SMARCC1: variants seen among roughly 807,000 people sequenced by gnomAD.
SMARCC1 encodes SWI/SNF complex subunit SMARCC1.
In SMARCC1, 43 loss-of-function variants were observed where a neutral mutation model predicts 147.4. The observed-to-expected ratio is 0.29, with a 90% CI of 0.23 to 0.38. The LOEUF (loss-of-function observed/expected upper bound fraction) is 0.38, where lower values mean the gene tolerates loss of function less well. Among genes scored for constraint, SMARCC1 ranks in the 10% least tolerant of loss-of-function variants. The pLI is 1.00. For missense variants in SMARCC1, 1,119 were observed against 1,381.1 expected, an observed-to-expected ratio of 0.81 and a Z score of 3.01; for synonymous variants, 495 against 484.4, an observed-to-expected ratio of 1.02 and a Z score of -0.29.
At chr3:47,702,491 C>T (rs1178851122) in intron 10 of SMARCC1, among the ~76,000 whole-genome samples, 1 of 152,168 alleles carries the variant, frequency 6.6e-6, no homozygotes. Context: ...TGTGGTGGCT[C>T]ATGCCTGTAA....
At chr3:47,771,997 C>T (rs542096971) in intron 2 of SMARCC1, among the ~76,000 whole-genome samples, 48 of 150,850 alleles carry the variant, frequency 3.2e-4, no homozygotes, top group African/African-American at 1.2e-3. Flanking sequence ...GCACAAGAAT[C>T]GCTGCAGGTT....
Position 47,627,430 on chromosome 3 carries a change from G to T in SMARCC1, c.2647-5089C>A, listed in dbSNP as rs145445837. Among the ~76,000 whole-genome samples the T allele has an allele frequency of 1.8e-4, 27 of 152,184 alleles. No homozygotes were observed. The East Asian group carries it at 5.0e-3, about 28-fold the overall frequency. ...TATTGTGAGCAGCTAGAAGAGCATTGAAGTAAAGAAGCAACTATTAGGTTT... is the reference window on the plus strand; with the variant it reads ...TATTGTGAGCAGCTAGAAGAGCATTTAAGTAAAGAAGCAACTATTAGGTTT... On this transcript the variant is annotated intron_variant, in intron 24 of 27. Coordinates refer to ENST00000254480, the MANE Select transcript of SMARCC1 (RefSeq NM_003074.4).
At chr3:47,668,139 T>C (rs190282327) in intron 19 of SMARCC1, among the ~76,000 whole-genome samples, 1 of 152,318 alleles carries the variant, frequency 6.6e-6, no homozygotes, top group Admixed American at 6.5e-5. Context: ...TCTGGTGCCC[T>C]GATTATATCA....
chr3:47,633,159 T>G (rs2032915214), intron 24 of SMARCC1, among the ~76,000 whole-genome samples: 1 of 152,168 alleles, frequency 6.6e-6, no homozygotes, highest in African/African-American at 2.4e-5. Context: ...GGCTTCAGTA[T>G]GTCCATTTAT....
In SMARCC1 at chr3:47,678,272, A is replaced by G. The variant is rs774333559; in HGVS notation, c.1497T>C (p.Arg499=). 4 of 1,605,286 alleles carry G rather than the reference A, an allele frequency of 2.5e-6. No homozygotes were observed. The East Asian group carries it at 6.8e-5, about 27-fold the overall frequency. The change falls in exon 16 of 28, where the codon CGT becomes CGC. Residue 499 remains arginine, a synonymous_variant. Coordinates refer to ENST00000254480, the MANE Select transcript of SMARCC1 (RefSeq NM_003074.4). ...TAGTTAAATACTCTTGGGGGTTTAG[A>G]CGATACGTGTCAATCATAAAATTTC... is the stretch of plus-strand genomic sequence containing the variant. The part of the protein sequence containing the change: ...AYRNFMIDTY[R]LNPQEYLTST...
rs1355366522 is a variant in SMARCC1, at chr3:47,765,857, C to T, written c.315+6960G>A. 7.2e-5 allele frequency among the ~76,000 whole-genome samples: 11 copies of T among 152,094 alleles called. No homozygotes were observed. In the South Asian group the frequency reaches 2.1e-3, roughly 29 times the overall value. ...TAGCAGTTCTCCTGCCTCAGCCTCC[C>T]GAGCAGCTGGGATTACAGGCGCCTG... is the stretch of plus-strand genomic sequence containing the variant. On this transcript the variant is annotated intron_variant, in intron 2 of 27. Transcript: ENST00000254480.
At chr3:47,749,781 G>T (rs2034608578) in intron 2 of SMARCC1, among the ~76,000 whole-genome samples, 2 of 149,586 alleles carry the variant, frequency 1.3e-5, no homozygotes, top group South Asian at 4.3e-4. Flanking sequence ...CGGGGAGAGG[G>T]ATAGAGGGAG....
At chr3:47,600,264 A>C (rs1215469967) in intron 26 of SMARCC1, among the ~76,000 whole-genome samples, 2 of 152,194 alleles carry the variant, frequency 1.3e-5, no homozygotes, top group Admixed American at 1.3e-4. Flanking sequence ...AAAAACAAAC[A>C]TCTCTCAGGA....
chr3:47,693,596 A>G (rs2033815282), intron 11 of SMARCC1, among the ~76,000 whole-genome samples: 1 of 152,204 alleles, frequency 6.6e-6, no homozygotes, highest in Non-Finnish European at 1.5e-5. Context: ...AAAGTTTATG[A>G]TGCATTTGTT....
intron 24 of SMARCC1, among the ~76,000 whole-genome samples, chr3:47,628,943 G>C (rs1315534715): frequency 6.6e-6 from 1 of 152,164 alleles, no homozygotes; most frequent in Non-Finnish European, 1.5e-5. Flanking sequence ...TAGAATGCAG[G>C]CCAAGACAGC....
intron 20 of SMARCC1, 64 bp downstream of exon 20, chr3:47,662,270 G>T (rs536760136): frequency 3.7e-6 from 5 of 1,344,558 alleles, no homozygotes; most frequent in African/African-American, 1.5e-5. Flanking sequence ...GTAACGGCTG[G>T]TAATATTTAA....
chr3:47,726,968 G>C (rs1366133899), intron 6 of SMARCC1, among the ~76,000 whole-genome samples: 1 of 152,030 alleles, frequency 6.6e-6, no homozygotes, highest in Non-Finnish European at 1.5e-5. Flanking sequence ...CCAGCACTTT[G>C]GGAGGCTGAG....
chr3:47,675,385 C>G (rs2033555775), intron 18 of SMARCC1, 90 bp downstream of exon 18: 2 of 592,218 alleles, frequency 3.4e-6, no homozygotes, highest in Admixed American at 3.1e-5. Context: ...TTTAAAAATA[C>G]CATCAGATTT....
Position 47,675,547 on chromosome 3 carries a change from G to T in SMARCC1, c.1767C>A (p.Asn589Lys). The T allele has an allele frequency of 6.2e-7, 1 of 1,612,178 alleles. No individual in the cohort carries two copies. Among genetic ancestry groups the T allele is most frequent in the East Asian group, 2.2e-5 (1 of 44,866 alleles). ...AQQMLNFPEK[N>K]KEKPVDLQNF... Reference sequence around the variant, plus strand: ...TCTGCAAATCAACTGGTTTTTCCTTGTTTTTCTCAGGAAAATTTAGCATCT... The same window carrying T: ...TCTGCAAATCAACTGGTTTTTCCTTTTTTTTCTCAGGAAAATTTAGCATCT... Residue 589 changes from asparagine (N) to lysine (K), a missense_variant, in exon 18 of 28, where the codon AAC (asparagine) becomes AAA (lysine). Physicochemically the swap from Asn to Lys is moderately conservative, Grantham distance 94 (BLOSUM62 0). Around this residue, in one of 6 missense-constraint regions of SMARCC1, gnomAD observed 178 missense variants for 264.6 expected, o/e 0.67. Transcript: ENST00000254480.
chr3:47,670,663 G>A lies in SMARCC1; in HGVS notation c.1894C>T (p.Leu632=). 2 of 1,560,528 alleles carry A rather than the reference G, an allele frequency of 1.3e-6. No homozygotes were observed. The highest frequency in any genetic ancestry group is 1.8e-6 in the Non-Finnish European group (2 of 1,130,840). The change falls in exon 19 of 28, where the codon CTG becomes TTG. Residue 632 remains leucine (L), a synonymous_variant. Transcript: ENST00000254480. Reference sequence around the variant, plus strand: ...ATATGCATTAATCTGCTTACCTCCAGGAGTAGAAGGGTCTCCTGTTCAGTC... The same window carrying A: ...ATATGCATTAATCTGCTTACCTCCAAGAGTAGAAGGGTCTCCTGTTCAGTC... ...EWTEQETLLL[L]EALEMYKDDW...
chr3:47,781,830 A>C lies in SMARCC1; in HGVS notation c.-33T>G, dbSNP rs1488262190. On this transcript the variant is annotated 5_prime_UTR_variant, in exon 1 of 28. Transcript: ENST00000254480. ...GCCCGTCGTCCCCACAGCCTGGCCC[A>C]CCCCGGCCCTCGCGGTGTTTCCCGG... The C allele has an allele frequency of 2.3e-6, 3 of 1,299,640 alleles. No individual in the cohort carries two copies. The highest frequency in any genetic ancestry group is 2.2e-5 in the South Asian group (1 of 44,526). 80.5% of individuals were successfully genotyped at this position (1,299,640 alleles called of 1,614,324 possible). A position where few individuals can be genotyped will look rare whatever the true frequency, so the allele number is the denominator to read the frequency against.
chr3:47,643,248 T>C (rs1424946874), intron 21 of SMARCC1, among the ~76,000 whole-genome samples: 4 of 152,186 alleles, frequency 2.6e-5, no homozygotes, highest in African/African-American at 9.7e-5. Flanking sequence ...GCAAGCTCCT[T>C]ATCTTGGCGT....
intron 26 of SMARCC1, among the ~76,000 whole-genome samples, chr3:47,595,891 C>T (rs955075075): frequency 2.0e-5 from 3 of 151,730 alleles, no homozygotes; most frequent in African/African-American, 4.8e-5. Flanking sequence ...CGTGCCACCA[C>T]GCCCAGCTAA....
chr3:47,753,422 A>T (rs2034650681), intron 2 of SMARCC1, among the ~76,000 whole-genome samples: 1 of 151,726 alleles, frequency 6.6e-6, no homozygotes, highest in Admixed American at 6.6e-5. Context: ...TATTCATAAA[A>T]GACAAAGTAG....
Sources: gnomAD v4.1 joint callset for allele counts (sites outside exome capture counted in the v4.1 genomes callset) on GRCh38, gnomAD v4.1.1 for gene constraint, gnomAD v4.1.1 regional missense constraint, MANE v1.5 for transcripts, NCBI Gene and HGNC (gene_info 2026-07-23, HGNC 2026-07-21) for gene names.